The following FHIT variants were observed in gnomAD, a reference collection of about 807,000 sequenced individuals.
The protein encoded by FHIT is fragile histidine triad diadenosine triphosphatase.
Under a neutral mutation model 17.9 loss-of-function variants are expected in FHIT, and 19 were observed. The ratio of observed to expected loss-of-function variants is 1.06; its 90% CI spans 0.74 to 1.56. The LOEUF (loss-of-function observed/expected upper bound fraction) is 1.56, where lower values mean the gene tolerates loss of function less well. FHIT is among the 40% of genes most tolerant of loss of function. The pLI is 0.00. For missense variants in FHIT, 248 were observed against 189.2 expected (o/e 1.31, Z -1.82); for synonymous variants, 81 against 69.7 (o/e 1.16, Z -0.81).
At chr3:60,871,753 C>A (rs1553755092) in intron 3 of FHIT, among the ~76,000 whole-genome samples, 1 of 152,090 alleles carries the variant, frequency 6.6e-6, no homozygotes, top group African/African-American at 2.4e-5. Context: ...CCCACCTCAG[C>A]CTCCTGAGTA....
chr3:60,759,845 T>C (rs1429518784), intron 4 of FHIT, among the ~76,000 whole-genome samples: 1 of 152,128 alleles, frequency 6.6e-6, no homozygotes, highest in African/African-American at 2.4e-5. Context: ...TCCTCTGATG[T>C]TCTTTGCTGT....
At chr3:60,864,718 C>A (rs13078972) in intron 3 of FHIT, among the ~76,000 whole-genome samples, 33,845 of 151,986 alleles carry the variant, frequency 0.22, 4,089 homozygotes, top group African/African-American at 0.28. Context: ...GAGCATGATA[C>A]GGTAAATCAT....
At chr3:60,183,265 G>C (rs1260780965) in intron 5 of FHIT, among the ~76,000 whole-genome samples, 1 of 152,034 alleles carries the variant, frequency 6.6e-6, no homozygotes, top group Non-Finnish European at 1.5e-5. Flanking sequence ...AGGTGTGGTG[G>C]TGCATGCCTG....
At chr3:59,771,139 CAAT>C (rs796806974) in intron 8 of FHIT, among the ~76,000 whole-genome samples, 5 of 152,240 alleles carry the variant, frequency 3.3e-5, no homozygotes, top group African/African-American at 9.6e-5. Flanking sequence ...TCACATAAGA[CAAT>C]AATGGACCAA....
chr3:60,976,406 C>T (rs1173754380), intron 3 of FHIT, among the ~76,000 whole-genome samples: 1 of 152,062 alleles, frequency 6.6e-6, no homozygotes, highest in Non-Finnish European at 1.5e-5. Flanking sequence ...CACACCCGGC[C>T]TCAGAACATA....
chr3:60,138,053 T>C (rs1488400640), intron 5 of FHIT, among the ~76,000 whole-genome samples: 2 of 152,184 alleles, frequency 1.3e-5, no homozygotes. Context: ...TAAATATCCA[T>C]TTTAAAGATG....
At chr3:60,542,297 C>G (rs1290910062) in intron 4 of FHIT, among the ~76,000 whole-genome samples, 3 of 152,132 alleles carry the variant, frequency 2.0e-5, no homozygotes, top group African/African-American at 7.2e-5. Flanking sequence ...CTGTGACTAC[C>G]ATTCTTACAC....
chr3:60,873,062 A>G (rs1437214315), intron 3 of FHIT, among the ~76,000 whole-genome samples: 1 of 152,192 alleles, frequency 6.6e-6, no homozygotes, highest in Admixed American at 6.5e-5. Flanking sequence ...CTTGTAGGGT[A>G]GCATGCCAAC....
intron 5 of FHIT, among the ~76,000 whole-genome samples, chr3:60,519,423 G>A (rs2035276572): frequency 6.6e-6 from 1 of 152,136 alleles, no homozygotes; most frequent in Non-Finnish European, 1.5e-5. Flanking sequence ...AAGTGATCCT[G>A]TACCACTCCC....
chr3:59,934,679 T>G (rs149769530), intron 7 of FHIT, among the ~76,000 whole-genome samples: 4 of 152,196 alleles, frequency 2.6e-5, no homozygotes, highest in Admixed American at 6.5e-5. Flanking sequence ...TCAGGAAACT[T>G]ACAATCATGG....
At chr3:60,893,016 T>C (rs188964004) in intron 3 of FHIT, among the ~76,000 whole-genome samples, 4 of 152,192 alleles carry the variant, frequency 2.6e-5, no homozygotes, top group South Asian at 2.1e-4. Context: ...CAGAACATGC[T>C]ACCACAAAAC....
At chr3:60,746,504 C>T (rs62249307) in intron 4 of FHIT, among the ~76,000 whole-genome samples, 9,258 of 152,168 alleles carry the variant, frequency 0.061, 377 homozygotes, top group Non-Finnish European at 0.09. Flanking sequence ...TGGGTTCGGA[C>T]GATCATTATT....
chr3:60,784,957 T>C (rs1700514301), intron 4 of FHIT, among the ~76,000 whole-genome samples: 1 of 151,854 alleles, frequency 6.6e-6, no homozygotes, highest in East Asian at 1.9e-4. Flanking sequence ...GCCTCCAGCA[T>C]TGTGAGACAG....
chr3:60,281,351 A>C (rs1707442651), intron 5 of FHIT, among the ~76,000 whole-genome samples: 1 of 152,178 alleles, frequency 6.6e-6, no homozygotes, highest in South Asian at 2.1e-4. Flanking sequence ...TAAAGTTCAT[A>C]GAGAAGGGCT....
chr3:59,949,949 T>C (rs1049262036), intron 7 of FHIT, among the ~76,000 whole-genome samples: 5 of 152,214 alleles, frequency 3.3e-5, no homozygotes, highest in African/African-American at 1.2e-4. Flanking sequence ...TGAGCTTTAT[T>C]CAGTCTTTCT....
chr3:60,464,325 G>C (rs4679544), intron 5 of FHIT, among the ~76,000 whole-genome samples: 4 of 151,802 alleles, frequency 2.6e-5, no homozygotes, highest in African/African-American at 9.7e-5. Flanking sequence ...AGGGTAAATG[G>C]GATATACATC....
intron 8 of FHIT, among the ~76,000 whole-genome samples, chr3:59,755,098 A>G (rs948275055): frequency 2.0e-5 from 3 of 152,086 alleles, no homozygotes; most frequent in African/African-American, 7.2e-5. Context: ...CCACACACAT[A>G]TAGAAAGAAT....
intron 2 of FHIT, among the ~76,000 whole-genome samples, chr3:61,070,039 T>C (rs73110374): frequency 0.059 from 8,905 of 152,180 alleles, 346 homozygotes; most frequent in Non-Finnish European, 0.084. Context: ...GCCTTCTGAG[T>C]AGCACGCCTG....
At chr3:60,608,783 CAA>C (rs1353447032) in intron 4 of FHIT, among the ~76,000 whole-genome samples, 1 of 152,044 alleles carries the variant, frequency 6.6e-6, no homozygotes, top group Non-Finnish European at 1.5e-5. Flanking sequence ...GCAAGTCAGT[CAA>C]AGTCATGTAA....
Sources: allele counts gnomAD v4.1 joint callset (sites outside exome capture counted in the v4.1 genomes callset), GRCh38; gene constraint gnomAD v4.1.1; transcripts MANE v1.5; gene names NCBI Gene and HGNC (gene_info 2026-07-23, HGNC 2026-07-21).